Variants in VRTN observed in about 807,000 individuals in gnomAD.
The protein encoded by VRTN is vertebrae development associated.
In VRTN, 5 loss-of-function variants were observed where a neutral mutation model predicts 18.2. The observed-to-expected ratio is 0.27, with a 90% CI of 0.14 to 0.58. VRTN has a LOEUF of 0.58. Ranked by LOEUF, VRTN falls within the 20% of genes least tolerant of loss-of-function variation. The pLI, the probability that VRTN is intolerant of heterozygous loss-of-function variation, is 0.91. For missense variants in VRTN, 741 were observed against 939.4 expected (o/e 0.79, Z 2.76); for synonymous variants, 381 against 393.7 (o/e 0.97, Z 0.38).
chr14:74,358,893 C>G lies in VRTN; in HGVS notation c.*1C>G, dbSNP rs563786624. ...CGGCCTGACCCTGGTAGATGGCTGACAGGGAGGTACAAAAGGGGCTGGGAA... is the reference window on the plus strand; with the variant it reads ...CGGCCTGACCCTGGTAGATGGCTGAGAGGGAGGTACAAAAGGGGCTGGGAA... On this transcript the variant is annotated 3_prime_UTR_variant, in exon 2 of 2. Transcript: ENST00000256362. This position sits in a 1 kb window ranked among gnomAD's most constrained non-coding sequence, Gnocchi z 5.4. The G allele has an allele frequency of 3.6e-5, 58 of 1,604,108 alleles. No homozygotes were observed. In the East Asian group the frequency reaches 4.7e-4, roughly 13 times the overall value.
rs1348374017 is a variant in VRTN at position 74,357,036 on chromosome 14, C to CTGCTGTTCGAGGCGGCCAGCA, written c.259_279dup (p.Phe87_Leu93dup). The CTGCTGTTCGAGGCGGCCAGCA allele has an allele frequency of 6.2e-7, 1 of 1,609,286 alleles. No individual in the cohort carries two copies. The highest frequency in any genetic ancestry group is 1.7e-5 in the Admixed American group (1 of 59,848). On this transcript the variant is annotated inframe_insertion, in exon 2 of 2. Coordinates refer to ENST00000256362, the MANE Select transcript of VRTN (RefSeq NM_018228.3). The surrounding 1 kb of genome is among the most constrained non-coding windows in gnomAD (Gnocchi z 7.8). ...GCTGGTGTGCAAGGGGGAGGGCAGC[C>CTGCTGTTCGAGGCGGCCAGCA]TGCTGTTCGAGGCGGCCAGCATGCT...
At chr14:74,336,546 C>T (rs1239508107) in intron 1 of VRTN, among the ~76,000 whole-genome samples, 2 of 152,046 alleles carry the variant, frequency 1.3e-5, no homozygotes, top group Non-Finnish European at 1.5e-5. Flanking sequence ...TAGATTTTTG[C>T]AAAAGTGGAT....
At chr14:74,324,235 A>G (rs2085473334) in intron 1 of VRTN, among the ~76,000 whole-genome samples, 1 of 151,774 alleles carries the variant, frequency 6.6e-6, no homozygotes, top group East Asian at 1.9e-4. Context: ...AAAAATACAA[A>G]AAGTTAGCTG....
intron 1 of VRTN, among the ~76,000 whole-genome samples, chr14:74,333,032 C>T (rs1008916691): frequency 2.2e-4 from 34 of 152,274 alleles, no homozygotes; most frequent in South Asian, 1.5e-3. Context: ...AGGCAGAAAT[C>T]ACATTCTTTG....
At chr14:74,328,379 A>G (rs78714905) in intron 1 of VRTN, among the ~76,000 whole-genome samples, 546 of 152,272 alleles carry the variant, frequency 3.6e-3, no homozygotes, top group African/African-American at 0.012. Context: ...TATGTACCCA[A>G]TGAATGATAT....
At chr14:74,323,844 A>G (rs531236449) in intron 1 of VRTN, among the ~76,000 whole-genome samples, 8 of 152,310 alleles carry the variant, frequency 5.3e-5, no homozygotes, top group African/African-American at 1.9e-4. Flanking sequence ...AATATTTGGG[A>G]CATGCAATAC....
intron 1 of VRTN, among the ~76,000 whole-genome samples, chr14:74,330,170 G>A (rs1009326561): frequency 6.6e-6 from 1 of 151,726 alleles, no homozygotes; most frequent in African/African-American, 2.4e-5. Flanking sequence ...CCACTGTGCC[G>A]GGCCTGGAAA....
At chr14:74,347,948 C>T (rs2085654430), upstream of VRTN, among the ~76,000 whole-genome samples, 1 of 152,144 alleles carries the variant, frequency 6.6e-6, no homozygotes, top group Non-Finnish European at 1.5e-5. Flanking sequence ...GTGGGGCCTT[C>T]CTGGATGGGA....
intron 1 of VRTN, among the ~76,000 whole-genome samples, chr14:74,308,871 T>TTG (rs1567037371): frequency 6.7e-6 from 1 of 149,026 alleles, no homozygotes; most frequent in African/African-American, 2.5e-5. Context: ...TGTTTGTTTT[T>TTG]TTTTTTTTTT....
At chr14:74,317,430 T>TC (rs1455828566) in intron 1 of VRTN, among the ~76,000 whole-genome samples, 1 of 152,202 alleles carries the variant, frequency 6.6e-6, no homozygotes, top group Admixed American at 6.5e-5. Context: ...GATGCTATTG[T>TC]CTTCTAGTGA....
chr14:74,327,021 T>G (rs770885535), intron 1 of VRTN, among the ~76,000 whole-genome samples: 2 of 152,160 alleles, frequency 1.3e-5, no homozygotes, highest in Non-Finnish European at 2.9e-5. Context: ...GCTCCTGATT[T>G]CAGGCCCCAC....
intron 1 of VRTN, among the ~76,000 whole-genome samples, chr14:74,331,544 T>TTATATATATATATATATA (rs1169929236): frequency 9.2e-5 from 4 of 43,486 alleles, no homozygotes; most frequent in Non-Finnish European, 9.7e-5. Flanking sequence ...AAAAAAAATT[T>TTATATATATATATATATA]TATATATATA....
Position 74,358,116 on chromosome 14 carries a change from C to A in VRTN, c.1333C>A (p.Arg445=). The change falls in exon 2 of 2, where the codon CGG becomes AGG. Residue 445 remains arginine, a synonymous_variant. Transcript: ENST00000256362. The surrounding 1 kb of genome is among the most constrained non-coding windows in gnomAD (Gnocchi z 5.4). ...TYYNWRRKAL[R]RNPSFKPAPA... ...TTATAATTGGCGGCGAAAGGCCCTC[C>A]GGAGGAACCCCAGCTTCAAGCCGGC... is the stretch of plus-strand genomic sequence containing the variant. The A allele has an allele frequency of 6.2e-7, 1 of 1,614,112 alleles. No individual in the cohort carries two copies. Among genetic ancestry groups the A allele is most frequent in the South Asian group, 1.1e-5 (1 of 91,086 alleles).
intron 1 of VRTN, among the ~76,000 whole-genome samples, chr14:74,312,591 C>T (rs1365979907): frequency 2.6e-5 from 4 of 151,996 alleles, no homozygotes; most frequent in African/African-American, 7.3e-5. Flanking sequence ...GCTGGGACTA[C>T]AGGCACATGC....
Position 74,358,709 on chromosome 14 carries a change from G to A in VRTN, c.1926G>A (p.Val642=), listed in dbSNP as rs143291615. ...GTGGCAGGGATGGCCGGATGCTGGT[G>A]ATGGACATGATCGCTACCACGAAGT... ...AAGGRDGRML[V]MDMIATTKFK... The change falls in exon 2 of 2, where the codon GTG becomes GTA. Residue 642 remains valine, a synonymous_variant. Transcript: ENST00000256362. The surrounding 1 kb of genome is among the most constrained non-coding windows in gnomAD (Gnocchi z 5.4). 6.2e-7 allele frequency: 1 copy of A among 1,614,198 alleles called. No homozygotes were observed. The highest frequency in any genetic ancestry group is 8.5e-7 in the Non-Finnish European group (1 of 1,180,036).
intron 1 of VRTN, among the ~76,000 whole-genome samples, chr14:74,308,890 T>C (rs947555363): frequency 6.7e-6 from 1 of 150,182 alleles, no homozygotes; most frequent in East Asian, 2.0e-4. Context: ...TTTGAGACAG[T>C]CTTGCTCTGT....
intron 1 of VRTN, among the ~76,000 whole-genome samples, chr14:74,335,920 T>C (rs1456221082): frequency 6.6e-6 from 1 of 151,680 alleles, no homozygotes; most frequent in Non-Finnish European, 1.5e-5. Context: ...TTTGTGTCTT[T>C]AGTAGAGATG....
intron 1 of VRTN, among the ~76,000 whole-genome samples, chr14:74,331,353 C>A (rs2085521944): frequency 2.6e-5 from 4 of 151,062 alleles, no homozygotes. Flanking sequence ...CATGGTGAAA[C>A]TCTGTCTCTA....
intron 1 of VRTN, chr14:74,305,474 G>T: frequency 4.9e-6 from 1 of 205,042 alleles, no homozygotes. Flanking sequence ...CAGCGGTTCT[G>T]ACAGTGATGT....
Sources: gnomAD v4.1 joint callset for allele counts (sites outside exome capture counted in the v4.1 genomes callset) on GRCh38, gnomAD v4.1.1 for gene constraint, Gnocchi (gnomAD v3.1) non-coding constraint, MANE v1.5 for transcripts, NCBI Gene and HGNC (gene_info 2026-07-23, HGNC 2026-07-21) for gene names.